Variants in CSRNP1 observed in about 807,000 individuals in gnomAD.
CSRNP1 encodes cysteine/serine-rich nuclear protein 1.
In CSRNP1, 8 loss-of-function variants were observed where a neutral mutation model predicts 25.0. That is an observed-to-expected ratio of 0.32 (90% CI 0.19 to 0.58). CSRNP1 has a LOEUF of 0.58. Ranked by LOEUF, CSRNP1 falls within the 20% of genes least tolerant of loss-of-function variation. CSRNP1 has a pLI of 0.88. For missense variants in CSRNP1, 691 were observed against 773.1 expected, an observed-to-expected ratio of 0.89 and a Z score of 1.26; for synonymous variants, 305 against 303.1, an observed-to-expected ratio of 1.01 and a Z score of -0.06.
Position 39,143,100 on chromosome 3 carries a change from A to C in CSRNP1, c.1725T>G (p.Phe575Leu). 1 of 1,608,942 alleles carries C rather than the reference A, an allele frequency of 6.2e-7. No homozygotes were observed. The highest frequency in any genetic ancestry group is 8.5e-7 in the Non-Finnish European group (1 of 1,176,132). ...EALDPFIDSQFEDTVPASLME... is the reference protein window; with the variant it reads ...EALDPFIDSQLEDTVPASLME... ...TTAGAGATGCTGGGACAGTGTCCTC[A>C]AACTGGCTGTCAATAAAGGGATCTA... is the stretch of plus-strand genomic sequence containing the variant. The change falls in exon 5 of 5, where the codon TTT becomes TTG. Residue 575 changes from phenylalanine (F) to leucine (L), a missense_variant. Coordinates refer to ENST00000273153, the MANE Select transcript of CSRNP1 (RefSeq NM_033027.4).
intron 1 of CSRNP1, among the ~76,000 whole-genome samples, chr3:39,147,066 CACAT>C (rs1474855408): frequency 2.1e-5 from 3 of 143,894 alleles, no homozygotes; most frequent in Non-Finnish European, 3.0e-5. Context: ...CACACACACA[CACAT>C]GCATCCACAC....
At chr3:39,149,447 C>T (rs2039555764) in intron 1 of CSRNP1, 1 of 152,190 alleles carries the variant, frequency 6.6e-6, no homozygotes, top group Non-Finnish European at 1.5e-5. Flanking sequence ...GATTTATATA[C>T]TTACGCATTT....
chr3:39,150,485 TCTC>T (rs2039565038), intron 1 of CSRNP1: 2 of 152,262 alleles, frequency 1.3e-5, no homozygotes, highest in South Asian at 2.1e-4. Flanking sequence ...AGTGTGACCT[TCTC>T]CTGCTCCTGT....
In CSRNP1 at chr3:39,146,729, T is replaced by C. The variant is rs2039519391; in HGVS notation, c.-40-7A>G. 2 of 1,546,718 alleles carry C rather than the reference T, an allele frequency of 1.3e-6. No homozygotes were observed. The highest frequency in any genetic ancestry group is 1.7e-6 in the Non-Finnish European group (2 of 1,145,638). Reference sequence around the variant, plus strand: ...GGGTCTGGGGACAGACAGCCTGGAATAGGAATGAGAAGGCTCTAAGTGGCA... The same window carrying C: ...GGGTCTGGGGACAGACAGCCTGGAACAGGAATGAGAAGGCTCTAAGTGGCA... On this transcript the variant is annotated splice_polypyrimidine_tract_variant and splice_region_variant and intron_variant, in intron 1 of 4. Coordinates refer to ENST00000273153, the MANE Select transcript of CSRNP1 (RefSeq NM_033027.4).
At position 39,147,237 on chromosome 3, in the gene CSRNP1, A is replaced by ATG. The variant is rs2039527078; in HGVS notation, c.-40-517_-40-516dup. On this transcript the variant is annotated intron_variant, in intron 1 of 4. Transcript: ENST00000273153. ...TGTGTGTGTGTGTGTGTGTGTGTGT[A>ATG]TGTGTGTGTGTGTACGCCCTACAGC... Among the ~76,000 whole-genome samples the ATG allele has an allele frequency of 5.3e-5, 6 of 114,028 alleles. No individual in the cohort carries two copies. In the South Asian group the frequency reaches 1.2e-3, roughly 22 times the overall value. 74.8% of individuals were successfully genotyped at this position (114,028 alleles called of 152,430 possible). A position where few individuals can be genotyped will look rare whatever the true frequency, so the allele number is the denominator to read the frequency against.
chr3:39,144,907 G>T, intron 3 of CSRNP1, 90 bp downstream of exon 3: 2 of 1,435,234 alleles, frequency 1.4e-6, no homozygotes, highest in Non-Finnish European at 1.9e-6. Context: ...TAATGAGCAA[G>T]TCAGCACCCA....
At chr3:39,145,832 T>G (rs1220589457) in intron 2 of CSRNP1, among the ~76,000 whole-genome samples, 1 of 152,232 alleles carries the variant, frequency 6.6e-6, no homozygotes, top group Non-Finnish European at 1.5e-5. Context: ...ATTATATTCT[T>G]TTTATGTGTA....
At position 39,143,443 on chromosome 3, in the gene CSRNP1, T is replaced by C; in HGVS notation, c.1382A>G (p.Asp461Gly). 1 of 1,614,148 alleles carries C rather than the reference T, an allele frequency of 6.2e-7. No individual in the cohort carries two copies. The highest frequency in any genetic ancestry group is 8.5e-7 in the Non-Finnish European group (1 of 1,179,958). ...SGVLDENANL[D>G]ASCFLNGGLE... is the part of the protein sequence containing the mutation. The stretch of plus-strand genomic sequence containing the variant: ...GCCACCATTTAGGAAGCAGCTGGCA[T>C]CCAGGTTGGCATTCTCATCCAGGAC... Residue 461 changes from aspartate to glycine, a missense_variant, in exon 5 of 5, where the codon GAT (aspartate) becomes GGT (glycine). Physicochemically the swap from Asp to Gly is moderately conservative, Grantham distance 94. Coordinates refer to ENST00000273153, the MANE Select transcript of CSRNP1 (RefSeq NM_033027.4).
chr3:39,153,095 C>G (rs896929895), intron 1 of CSRNP1: 1 of 152,552 alleles, frequency 6.6e-6, no homozygotes, highest in African/African-American at 2.4e-5. Flanking sequence ...GCAACTGGGT[C>G]AAAAGGAAAC....
At chr3:39,144,488 A>G (rs766325337) in intron 3 of CSRNP1, 37 bp from the exon 4 acceptor site, 3 of 1,554,750 alleles carry the variant, frequency 1.9e-6, no homozygotes, top group Non-Finnish European at 2.6e-6. Context: ...AGAAGCACAG[A>G]CATGGACATG....
chr3:39,144,194 G>A lies in CSRNP1; in HGVS notation c.723C>T (p.Cys241=), dbSNP rs575398004. 2.3e-5 allele frequency: 37 copies of A among 1,614,146 alleles called. No homozygotes were observed. In the East Asian group the frequency reaches 2.5e-4, roughly 11 times the overall value. ...AGGTCTCAGGGTCGCAGATCCTATC[G>A]CAGTGACAGCCACAATCCTCCCGGG... ...RQSREDCGCH[C]DRICDPETCS... The change falls in exon 4 of 5, where the codon TGC becomes TGT. Residue 241 remains cysteine (C), a synonymous_variant. Coordinates refer to ENST00000273153, the MANE Select transcript of CSRNP1 (RefSeq NM_033027.4).
chr3:39,144,582 G>A (rs921474313), intron 3 of CSRNP1, 131 bp from the exon 4 acceptor site: 37 of 857,382 alleles, frequency 4.3e-5, no homozygotes, highest in Admixed American at 5.7e-5. Flanking sequence ...TGGGCACTGT[G>A]TGTCAGACAG....
chr3:39,146,572 A>C lies in CSRNP1; in HGVS notation c.111T>G (p.Ser37=). ...CTGAGTCCCAGGCACGGGAGACAGA[A>C]GAGCTTGGGGAGCAGGAGCGAGACT... ...GCQSRSCSPS[S]SVSRAWDSEE... The change falls in exon 2 of 5, where the codon TCT becomes TCG. Residue 37 remains serine (S), a synonymous_variant. Transcript: ENST00000273153. 1 of 1,556,998 alleles carries C rather than the reference A, an allele frequency of 6.4e-7. No individual in the cohort carries two copies. The highest frequency in any genetic ancestry group is 8.7e-7 in the Non-Finnish European group (1 of 1,149,876).
Position 39,143,758 on chromosome 3 carries a change from G to C in CSRNP1, c.1067C>G (p.Ser356Cys), listed in dbSNP as rs144215660. The C allele has an allele frequency of 1.3e-5, 21 of 1,613,990 alleles. No individual in the cohort carries two copies. The Admixed American group carries it at 1.3e-4, about 10-fold the overall frequency. Residue 356 changes from serine to cysteine, a missense_variant, in exon 5 of 5, where the codon TCT (serine) becomes TGT (cysteine). Coordinates refer to ENST00000273153, the MANE Select transcript of CSRNP1 (RefSeq NM_033027.4). ...NSCSSDMTDS[S>C]TASSSASGTS... is the part of the protein sequence containing the mutation. ...GCCCGATGCTGATGAAGATGCTGTA[G>C]AAGAATCAGTCATGTCGCTGCTGCA...
At chr3:39,144,870 G>A in intron 3 of CSRNP1, 127 bp downstream of exon 3, 3 of 1,164,414 alleles carry the variant, frequency 2.6e-6, no homozygotes, top group South Asian at 1.7e-5. Context: ...CAATCACCAG[G>A]CCCACAGGCC....
Position 39,143,663 on chromosome 3 carries a change from C to T in CSRNP1, c.1162G>A (p.Asp388Asn), listed in dbSNP as rs1363497165. ...CTCAAGATGCGTGCCAGGCTGTCAT[C>T]ATCAACGCCAGGCTGGAAGCCAGGG... ...PGPGFQPGVDDDSLARILSFS... is the reference protein window; with the variant it reads ...PGPGFQPGVDNDSLARILSFS... Residue 388 changes from aspartate (D) to asparagine (N), a missense_variant, in exon 5 of 5, where the codon GAT becomes AAT. Transcript: ENST00000273153. 1 of 1,614,164 alleles carries T rather than the reference C, an allele frequency of 6.2e-7. No individual in the cohort carries two copies. Among genetic ancestry groups the T allele is most frequent in the Non-Finnish European group, 8.5e-7 (1 of 1,180,018 alleles).
chr3:39,153,263 C>T (rs1368407304), intron 1 of CSRNP1, 175 bp downstream of exon 1: 1 of 153,104 alleles, frequency 6.5e-6, no homozygotes, highest in Non-Finnish European at 1.5e-5. Context: ...CGGCCGGGCC[C>T]CCGGCCCCCG....
intron 1 of CSRNP1, chr3:39,152,145 G>GGA: frequency 6.5e-6 from 1 of 153,040 alleles, no homozygotes; most frequent in Middle Eastern, 3.3e-3. Context: ...GACAGGGTAC[G>GGA]GCTGGGGTGA....
Position 39,143,422 on chromosome 3 carries a change from C to T in CSRNP1, c.1403G>A (p.Gly468Asp), listed in dbSNP as rs1348301356. 2 of 1,614,160 alleles carry T rather than the reference C, an allele frequency of 1.2e-6. No homozygotes were observed. The highest frequency in any genetic ancestry group is 1.7e-6 in the Non-Finnish European group (2 of 1,180,010). Reference protein sequence around the residue: ...ANLDASCFLNGGLEGSREGSL... With the variant: ...ANLDASCFLNDGLEGSREGSL... ...GCCTTCCCTTGACCCTTCAAGGCCA[C>T]CATTTAGGAAGCAGCTGGCATCCAG... Residue 468 changes from glycine to aspartate, a missense_variant, in exon 5 of 5, where the codon GGT (glycine) becomes GAT (aspartate). Coordinates refer to ENST00000273153, the MANE Select transcript of CSRNP1 (RefSeq NM_033027.4).
Sources: allele counts gnomAD v4.1 joint callset (sites outside exome capture counted in the v4.1 genomes callset), GRCh38; gene constraint gnomAD v4.1.1; transcripts MANE v1.5; gene names NCBI Gene and HGNC (gene_info 2026-07-23, HGNC 2026-07-21).